Variants in SOX6 observed in about 807,000 individuals in gnomAD.
SOX6 encodes the protein transcription factor SOX-6.
SOX6 carries 11 observed loss-of-function variants against 97.8 expected under a neutral mutation model. The observed-to-expected ratio is 0.11, with a 90% CI of 0.07 to 0.19. SOX6 has a LOEUF of 0.19. Among genes scored for constraint, SOX6 ranks in the 10% least tolerant of loss-of-function variants. The probability of loss-of-function intolerance (pLI) is 1.00; values close to 1 mark genes in which losing one functional copy is unlikely to be tolerated. For missense variants in SOX6, 810 were observed against 1,039.5 expected, an observed-to-expected ratio of 0.78 and a Z score of 3.04; for synonymous variants, 360 against 371.4, an observed-to-expected ratio of 0.97 and a Z score of 0.35.
chr11:15,980,449 C>A (rs1025130920), intron 15 of SOX6, among the ~76,000 whole-genome samples: 2 of 151,948 alleles, frequency 1.3e-5, no homozygotes, highest in African/African-American at 4.8e-5. Flanking sequence ...CTAACCATCA[C>A]GCTGATCTTG....
intron 7 of SOX6, among the ~76,000 whole-genome samples, chr11:16,102,291 A>G (rs553211901): frequency 1.3e-5 from 2 of 152,020 alleles, no homozygotes; most frequent in African/African-American, 4.8e-5. Flanking sequence ...TAGCTGCAAT[A>G]AAATAAAATA....
At position 16,625,094 on chromosome 11, in the gene SOX6, A is replaced by G. The variant is rs1346325120; in HGVS notation, n.430-12834T>C. Among the ~76,000 whole-genome samples, 3 of 152,130 alleles carry G rather than the reference A, an allele frequency of 2.0e-5. No individual in the cohort carries two copies. The South Asian group carries it at 6.2e-4, about 32-fold the overall frequency. ...GACTCCTCTATTCATTCTCTTAACA[A>G]TGTATTTTGATGAGTAGATGTTTTT... On this transcript the variant is annotated intron_variant and non_coding_transcript_variant, in intron 3 of 5. Transcript: ENST00000524520.
At chr11:16,714,705 C>G (rs1218682059) in intron 3 of SOX6, 3 of 152,236 alleles carry the variant, frequency 2.0e-5, no homozygotes, top group Non-Finnish European at 4.4e-5. Flanking sequence ...CCGCCTCGGC[C>G]TCCCAAAGTG....
intron 3 of SOX6, among the ~76,000 whole-genome samples, chr11:16,304,790 C>T (rs753579141): frequency 3.9e-5 from 6 of 151,996 alleles, no homozygotes; most frequent in South Asian, 2.1e-4. Context: ...TAGATAATCA[C>T]GTGATTTGCA....
intron 4 of SOX6, among the ~76,000 whole-genome samples, chr11:16,541,540 T>C (rs1475111684): frequency 1.3e-5 from 2 of 152,086 alleles, no homozygotes; most frequent in African/African-American, 2.4e-5. Flanking sequence ...ACCTATAGAA[T>C]GGGAGAAAAT....
intron 3 of SOX6, among the ~76,000 whole-genome samples, chr11:16,258,844 CATATATAT>C (rs894438799): frequency 6.0e-5 from 9 of 151,010 alleles, no homozygotes; most frequent in African/African-American, 1.9e-4. Context: ...CACACACACA[CATATATAT>C]ACATATATAT....
rs149628639 is a variant in SOX6, at chr11:16,089,296, A to C, written c.1101+6700T>G. On this transcript the variant is annotated intron_variant, in intron 9 of 15. Transcript: ENST00000683767. ...ATTCATGTTTAGAAAACCGGGGGGA[A>C]AGCGTTAAATTAGTTCCTCTCAATT... Among the ~76,000 whole-genome samples the C allele has an allele frequency of 5.6e-3, 851 of 152,226 alleles. 5 individuals are homozygous for C. The highest frequency in any genetic ancestry group is 0.01 in the Middle Eastern group (3 of 294).
chr11:16,045,656 C>T (rs1855806685), intron 12 of SOX6, among the ~76,000 whole-genome samples: 1 of 152,132 alleles, frequency 6.6e-6, no homozygotes, highest in Non-Finnish European at 1.5e-5. Context: ...ACACTGGCCT[C>T]CTTGGTGCTG....
At chr11:16,564,514 T>C (rs183674473) in intron 4 of SOX6, among the ~76,000 whole-genome samples, 1 of 152,194 alleles carries the variant, frequency 6.6e-6, no homozygotes, top group South Asian at 2.1e-4. Context: ...AGAATACACA[T>C]CTTTTATGTG....
chr11:16,737,474 G>A (rs902208453), intron 1 of SOX6, among the ~76,000 whole-genome samples: 4 of 151,878 alleles, frequency 2.6e-5, no homozygotes, highest in Admixed American at 6.6e-5. Flanking sequence ...CAAAATGCTG[G>A]GGATTACAGG....
intron 4 of SOX6, among the ~76,000 whole-genome samples, chr11:16,482,160 A>G (rs1860355472): frequency 6.6e-6 from 1 of 152,178 alleles, no homozygotes; most frequent in African/African-American, 2.4e-5. Flanking sequence ...GCCTTTTCAA[A>G]TAATTGTGGC....
At chr11:16,433,395 G>A (rs533264880) in intron 1 of SOX6, among the ~76,000 whole-genome samples, 21 of 152,090 alleles carry the variant, frequency 1.4e-4, no homozygotes, top group South Asian at 4.1e-4. Context: ...TATGTAAGAC[G>A]TTGTGCAAGA....
chr11:16,115,305 C>A (rs1035494065), intron 6 of SOX6, among the ~76,000 whole-genome samples: 27 of 152,152 alleles, frequency 1.8e-4, no homozygotes, highest in Non-Finnish European at 4.0e-4. Flanking sequence ...TTAAACTCTA[C>A]CCCATACCTA....
chr11:16,031,284 C>T lies in SOX6; in HGVS notation c.1623+15230G>A, dbSNP rs543115902. 4 of 152,260 alleles carry T rather than the reference C, an allele frequency of 2.6e-5. No homozygotes were observed. In the South Asian group the frequency reaches 8.3e-4, roughly 32 times the overall value. The allele number at this position is 152,260 out of a possible 1,614,324, so 9.4% of individuals were successfully genotyped here. A position where few individuals can be genotyped will look rare whatever the true frequency, so the allele number is the denominator to read the frequency against. The stretch of plus-strand genomic sequence containing the variant: ...GGAAGCTCAGCATCCATGTTCACTT[C>T]CAAAGCTTTGCAAGTTGGTATTTAT... On this transcript the variant is annotated intron_variant, in intron 12 of 15. Transcript: ENST00000683767.
intron 1 of SOX6, among the ~76,000 whole-genome samples, chr11:16,413,512 C>CTTTTTTT (rs752774148): frequency 1.3e-5 from 1 of 76,222 alleles, no homozygotes; most frequent in Admixed American, 1.6e-4. Context: ...AAGACTTCTA[C>CTTTTTTT]TTTTTTTTTT....
At chr11:16,324,976 G>A (rs970825691) in intron 2 of SOX6, among the ~76,000 whole-genome samples, 1 of 151,744 alleles carries the variant, frequency 6.6e-6, no homozygotes, top group Non-Finnish European at 1.5e-5. Context: ...TTAGATAGAA[G>A]GAATAAGATC....
rs199572371 is a variant in SOX6, at chr11:16,065,316, ATC to A, written c.1102-9417_1102-9416del. On this transcript the variant is annotated intron_variant, in intron 9 of 15. Coordinates refer to ENST00000683767, the MANE Select transcript of SOX6 (RefSeq NM_001367873.1). The stretch of plus-strand genomic sequence containing the variant: ...TAAAAATTAACTAAAAAAGTAAAAG[ATC>A]TCTCTTAGGAAAACTATAAAATACT... 8.4e-3 allele frequency among the ~76,000 whole-genome samples: 1,271 copies of A among 152,134 alleles called. 20 individuals are homozygous for A. The highest frequency in any genetic ancestry group is 0.029 in the African/African-American group (1,186 of 41,548).
At chr11:16,381,608 A>AT (rs1857822726) in intron 1 of SOX6, among the ~76,000 whole-genome samples, 1 of 151,982 alleles carries the variant, frequency 6.6e-6, no homozygotes, top group Non-Finnish European at 1.5e-5. Flanking sequence ...AATTTTCCAG[A>AT]TTATATTTAT....
chr11:16,371,273 A>G (rs1857488238), intron 1 of SOX6, among the ~76,000 whole-genome samples: 1 of 151,894 alleles, frequency 6.6e-6, no homozygotes, highest in Non-Finnish European at 1.5e-5. Flanking sequence ...CTTCCCCCAG[A>G]TATCTGCATG....
Sources: allele counts gnomAD v4.1 joint callset (sites outside exome capture counted in the v4.1 genomes callset), GRCh38; gene constraint gnomAD v4.1.1; transcripts MANE v1.5; gene names NCBI Gene and HGNC (gene_info 2026-07-23, HGNC 2026-07-21).